The following DPF3 variants were observed in gnomAD, a reference collection of about 807,000 sequenced individuals.
DPF3 encodes the protein double PHD fingers 3.
Under a neutral mutation model 56.8 loss-of-function variants are expected in DPF3, and 18 were observed. The observed-to-expected ratio is 0.32, with a 90% CI of 0.22 to 0.47. The LOEUF (loss-of-function observed/expected upper bound fraction) is 0.47. DPF3 is among the 20% of genes least tolerant of loss of function. The pLI is 1.00. For synonymous variants in DPF3, 188 were observed against 180.2 expected, an observed-to-expected ratio of 1.04 and a Z score of -0.35; for missense variants, 403 against 488.8, an observed-to-expected ratio of 0.82 and a Z score of 1.65.
At chr14:72,768,933 CTGTGTG>C (rs10543093) in intron 2 of DPF3, among the ~76,000 whole-genome samples, 27,081 of 146,258 alleles carry the variant, frequency 0.19, 2,724 homozygotes, top group Middle Eastern at 0.27. Flanking sequence ...GTGTGAGTGT[CTGTGTG>C]TGTGTGTGTG....
intron 9 of DPF3, among the ~76,000 whole-genome samples, chr14:72,624,335 T>C (rs1010909850): frequency 2.1e-5 from 1 of 46,668 alleles, no homozygotes; most frequent in African/African-American, 8.2e-5. Flanking sequence ...CTATGTCTCT[T>C]TTTTTTTTTT....
chr14:72,767,779 A>AC (rs71109747), intron 2 of DPF3, among the ~76,000 whole-genome samples: 3 of 140,384 alleles, frequency 2.1e-5, no homozygotes, highest in South Asian at 4.4e-4. Context: ...AAAAAAAAAA[A>AC]CCCCATAAAC....
chr14:72,629,639 C>T lies in DPF3; in HGVS notation c.969G>A (p.Gly323=), dbSNP rs1885051260. 1 of 1,535,690 alleles carries T rather than the reference C, an allele frequency of 6.5e-7. No homozygotes were observed. Among genetic ancestry groups the T allele is most frequent in the Non-Finnish European group, 8.7e-7 (1 of 1,146,506 alleles). Residue 323 remains glycine (G), a synonymous_variant, in exon 9 of 11, where the codon GGG becomes GGA. Transcript: ENST00000556509. ...CIECKSCILC[G]TSENDDQLLF... is the part of the protein sequence containing the mutation. Reference sequence around the variant, plus strand: ...CCAAACTCACATCATTCTCTGAGGTCCCACAGAGGATACAGGATTTGCACT... The same window carrying T: ...CCAAACTCACATCATTCTCTGAGGTTCCACAGAGGATACAGGATTTGCACT...
intron 1 of DPF3, among the ~76,000 whole-genome samples, chr14:72,875,026 C>T (rs1886058401): frequency 1.3e-5 from 2 of 152,082 alleles, no homozygotes; most frequent in South Asian, 2.1e-4. Flanking sequence ...TCTTATATGG[C>T]AGCAGCAAGA....
chr14:72,733,251 C>T (rs1473992840), intron 3 of DPF3, among the ~76,000 whole-genome samples: 1 of 152,200 alleles, frequency 6.6e-6, no homozygotes, highest in African/African-American at 2.4e-5. Context: ...AAGCTGGGGG[C>T]AGGAACTATG....
chr14:72,812,863 G>T (rs1440026077), intron 1 of DPF3, among the ~76,000 whole-genome samples: 2 of 152,218 alleles, frequency 1.3e-5, no homozygotes, highest in African/African-American at 4.8e-5. Context: ...CCAGAGGCTG[G>T]CGGGTGAGGC....
rs527874210 is a variant in DPF3 at position 72,840,879 on chromosome 14, C to T, written c.32+53178G>A. On this transcript the variant is annotated intron_variant, in intron 1 of 10. Transcript: ENST00000556509. ...CATGAAAAGGACCTCATGATGAACT[C>T]CTGATTCAGCCACATCATCCTTAAA... 1.1e-4 allele frequency among the ~76,000 whole-genome samples: 17 copies of T among 152,278 alleles called. No homozygotes were observed. In the East Asian group the frequency reaches 3.3e-3, roughly 29 times the overall value.
rs1209951938 is a variant in DPF3, at chr14:72,614,694, T to C, written c.*4603A>G. ...CGGCCTCAAGAAAGAGGGAGCTGAA[T>C]CAGTGTTCAGAACTGGGCAGAGGTT... On this transcript the variant is annotated 3_prime_UTR_variant, in exon 11 of 11. Transcript: ENST00000556509. Among the ~76,000 whole-genome samples, 1 of 147,814 alleles carries C rather than the reference T, an allele frequency of 6.8e-6. No individual in the cohort carries two copies. Among genetic ancestry groups the C allele is most frequent in the Non-Finnish European group, 1.5e-5 (1 of 67,678 alleles).
At chr14:72,709,077 A>G (rs1888542262) in intron 6 of DPF3, among the ~76,000 whole-genome samples, 1 of 152,238 alleles carries the variant, frequency 6.6e-6, no homozygotes, top group South Asian at 2.1e-4. Context: ...AAGAAACAAG[A>G]GACTTTAGAA....
At chr14:72,634,012 T>C (rs968843222) in intron 8 of DPF3, among the ~76,000 whole-genome samples, 1 of 152,170 alleles carries the variant, frequency 6.6e-6, no homozygotes, top group Non-Finnish European at 1.5e-5. Flanking sequence ...GAGAAAGTCA[T>C]CAGCCTCCTG....
At chr14:72,766,806 A>G (rs1891305900) in intron 2 of DPF3, among the ~76,000 whole-genome samples, 1 of 152,210 alleles carries the variant, frequency 6.6e-6, no homozygotes, top group African/African-American at 2.4e-5. Flanking sequence ...GGAAAAGCTG[A>G]TAACCCAGAA....
At chr14:72,644,211 G>A (rs566350666) in intron 8 of DPF3, among the ~76,000 whole-genome samples, 1 of 152,108 alleles carries the variant, frequency 6.6e-6, no homozygotes, top group Non-Finnish European at 1.5e-5. Flanking sequence ...AGCTCCATGG[G>A]AGTACAACAA....
chr14:72,652,461 G>T (rs939512553), intron 8 of DPF3, among the ~76,000 whole-genome samples: 2 of 152,168 alleles, frequency 1.3e-5, no homozygotes, highest in African/African-American at 4.8e-5. Context: ...GGATGGTGCT[G>T]GGGGGAGGCG....
intron 8 of DPF3, chr14:72,662,954 G>A (rs2153569444): frequency 3.0e-6 from 2 of 668,616 alleles, no homozygotes; most frequent in Non-Finnish European, 3.7e-6. Flanking sequence ...AAAAAAAGAA[G>A]AAGAAAGAAA....
chr14:72,660,493 C>A (rs899240822), intron 8 of DPF3, among the ~76,000 whole-genome samples: 5 of 152,216 alleles, frequency 3.3e-5, no homozygotes, highest in African/African-American at 1.2e-4. Context: ...TAAGAGGGCC[C>A]ATCTTCACAC....
chr14:72,819,689 A>G (rs186961386), intron 1 of DPF3, among the ~76,000 whole-genome samples: 288 of 152,326 alleles, frequency 1.9e-3, no homozygotes, highest in African/African-American at 6.6e-3. Context: ...TAATCCCAGC[A>G]CTTTGGAAGG....
At chr14:72,688,343 T>C (rs1887525033) in intron 7 of DPF3, among the ~76,000 whole-genome samples, 1 of 150,524 alleles carries the variant, frequency 6.6e-6, no homozygotes, top group African/African-American at 2.5e-5. Flanking sequence ...CGATGACGTA[T>C]ACACGGATGG....
chr14:72,624,166 G>C (rs1172712082), intron 9 of DPF3, among the ~76,000 whole-genome samples: 1 of 151,968 alleles, frequency 6.6e-6, no homozygotes, highest in Admixed American at 6.6e-5. Flanking sequence ...TTTAAACTTA[G>C]AGAAAAGTGC....
At chr14:72,724,701 G>T (rs1295551667) in intron 4 of DPF3, among the ~76,000 whole-genome samples, 4 of 117,564 alleles carry the variant, frequency 3.4e-5, no homozygotes, top group Middle Eastern at 4.5e-3. Flanking sequence ...GCCCAGAGGG[G>T]TTTTTGTTTG....
Sources: gnomAD v4.1 joint callset for allele counts (sites outside exome capture counted in the v4.1 genomes callset) on GRCh38, gnomAD v4.1.1 for gene constraint, MANE v1.5 for transcripts, NCBI Gene and HGNC (gene_info 2026-07-23, HGNC 2026-07-21) for gene names.